STK33: variants seen among roughly 807,000 people sequenced by gnomAD.
STK33 encodes serine/threonine-protein kinase 33.
A neutral mutation model predicts 58.0 loss-of-function variants in STK33; 52 were observed. That is an observed-to-expected ratio of 0.90 (90% confidence interval 0.72 to 1.13). The LOEUF (loss-of-function observed/expected upper bound fraction) is 1.13. Ranked by LOEUF, STK33 falls within the 50% of genes most tolerant of loss-of-function variation. The pLI is 0.00. For synonymous variants in STK33, 215 were observed against 200.1 expected (o/e 1.07, Z -0.63); for missense variants, 630 against 604.2 (o/e 1.04, Z -0.45).
chr11:8,414,564 A>G (rs940944579), intron 14 of STK33, among the ~76,000 whole-genome samples: 31 of 152,190 alleles, frequency 2.0e-4, no homozygotes, highest in African/African-American at 6.8e-4. Context: ...ACAGAAAACT[A>G]TAAGACAGGG....
rs376173450 is a variant in STK33, at chr11:8,392,503, G to A, written c.*7C>T. 2 of 1,613,934 alleles carry A rather than the reference G, an allele frequency of 1.2e-6. No individual in the cohort carries two copies. Among genetic ancestry groups the A allele is most frequent in the African/African-American group, 2.7e-5 (2 of 74,904 alleles). ...TGTTTTTGTACTGTCCAACACTGGAGGGAACCTTAGAGTTTCTTTTTGGTT... is the reference window on the plus strand; with the variant it reads ...TGTTTTTGTACTGTCCAACACTGGAAGGAACCTTAGAGTTTCTTTTTGGTT... On this transcript the variant is annotated 3_prime_UTR_variant, in exon 16 of 16. Transcript: ENST00000687296.
intron 1 of STK33, among the ~76,000 whole-genome samples, chr11:8,561,671 A>G (rs1957122060): frequency 6.6e-6 from 1 of 152,158 alleles, no homozygotes; most frequent in Non-Finnish European, 1.5e-5. Context: ...CATATGTTGG[A>G]TCTTCTCTGC....
intron 1 of STK33, among the ~76,000 whole-genome samples, chr11:8,535,878 T>C (rs1465256738): frequency 1.3e-5 from 2 of 152,166 alleles, no homozygotes; most frequent in African/African-American, 4.8e-5. Flanking sequence ...AAATGTGGTA[T>C]ATATATACTA....
the STK33 span, among the ~76,000 whole-genome samples, chr11:8,370,995 A>C: frequency 6.6e-6 from 1 of 152,150 alleles, no homozygotes; most frequent in Non-Finnish European, 1.5e-5. Flanking sequence ...CCCTGGACCG[A>C]AGCTGAGGAG....
At chr11:8,577,931 T>C (rs1958301813) in intron 1 of STK33, among the ~76,000 whole-genome samples, 1 of 152,106 alleles carries the variant, frequency 6.6e-6, no homozygotes. Flanking sequence ...AAAGGTCAAA[T>C]GCAACAGTGC....
intron 14 of STK33, among the ~76,000 whole-genome samples, chr11:8,425,958 T>G (rs761003813): frequency 2.0e-5 from 3 of 152,162 alleles, no homozygotes; most frequent in East Asian, 1.9e-4. Context: ...TTACAGCTCC[T>G]GAAGCCCCAG....
At chr11:8,459,355 G>A (rs1187164353) in intron 8 of STK33, among the ~76,000 whole-genome samples, 1 of 152,002 alleles carries the variant, frequency 6.6e-6, no homozygotes, top group Non-Finnish European at 1.5e-5. Flanking sequence ...GGCAGAGGGT[G>A]TCAGACCTGA....
chr11:8,525,859 T>C (rs1260344497), intron 1 of STK33, among the ~76,000 whole-genome samples: 3 of 152,078 alleles, frequency 2.0e-5, no homozygotes, highest in Non-Finnish European at 2.9e-5. Flanking sequence ...TTTCAAAAGA[T>C]AGGCAACATA....
intron 1 of STK33, among the ~76,000 whole-genome samples, chr11:8,565,498 T>C (rs560114451): frequency 7.9e-5 from 12 of 151,506 alleles, no homozygotes; most frequent in Admixed American, 3.3e-4. Context: ...CAAATATCAG[T>C]TCTGCCATTT....
intron 14 of STK33, among the ~76,000 whole-genome samples, chr11:8,415,785 A>G (rs1941032766): frequency 6.6e-6 from 1 of 152,160 alleles, no homozygotes; most frequent in Non-Finnish European, 1.5e-5. Context: ...CTCATATGCA[A>G]CCAATATGAT....
At chr11:8,556,967 TAAACCAGGCATGGTGTCTCATGC>T (rs1260807509) in intron 1 of STK33, among the ~76,000 whole-genome samples, 1 of 151,862 alleles carries the variant, frequency 6.6e-6, no homozygotes, top group Non-Finnish European at 1.5e-5. Flanking sequence ...AAAGAAACCT[TAAACCAGGCATGGTGTCTCATGC>T]CTGTAATCCC....
intron 11 of STK33, among the ~76,000 whole-genome samples, chr11:8,444,730 G>A (rs368882437): frequency 1.3e-5 from 2 of 152,074 alleles, no homozygotes; most frequent in East Asian, 1.9e-4. Context: ...TTATCAAAAT[G>A]ATTCAAGAAA....
At chr11:8,552,950 G>A (rs556561807) in intron 1 of STK33, among the ~76,000 whole-genome samples, 1 of 151,324 alleles carries the variant, frequency 6.6e-6, no homozygotes, top group African/African-American at 2.4e-5. Flanking sequence ...CAGGAGTTCA[G>A]GAGCTGCCTG....
the STK33 span, among the ~76,000 whole-genome samples, chr11:8,338,209 A>T: frequency 0.048 from 7,330 of 152,206 alleles, 237 homozygotes; most frequent in Middle Eastern, 0.1. Flanking sequence ...AGGCCAGCAT[A>T]CCGGCTTCTG....
At chr11:8,559,330 A>AT (rs577226650) in intron 1 of STK33, among the ~76,000 whole-genome samples, 43 of 152,266 alleles carry the variant, frequency 2.8e-4, no homozygotes, top group African/African-American at 9.6e-4. Flanking sequence ...AAACCTTAGC[A>AT]TTTTTTCCTG....
chr11:8,523,798 C>T lies in STK33; in HGVS notation c.-465-43184G>A, dbSNP rs1398966481. 5.3e-5 allele frequency among the ~76,000 whole-genome samples: 8 copies of T among 152,034 alleles called. No homozygotes were observed. In the East Asian group the frequency reaches 5.8e-4, roughly 11 times the overall value. Reference sequence around the variant, plus strand: ...GAAGTGAGGAGCCCCTCTGCCCGGCCGCCACCCTGTCTGGGAGGTGTACCC... The same window carrying T: ...GAAGTGAGGAGCCCCTCTGCCCGGCTGCCACCCTGTCTGGGAGGTGTACCC... On this transcript the variant is annotated intron_variant, in intron 1 of 15. Transcript: ENST00000687296.
chr11:8,387,929 C>T (rs1198813778), downstream of STK33, among the ~76,000 whole-genome samples: 1 of 152,140 alleles, frequency 6.6e-6, no homozygotes, highest in African/African-American at 2.4e-5. Context: ...ATTTTGCCTA[C>T]AGGGAGGTTT....
chr11:8,405,478 T>C (rs563205453), intron 15 of STK33, among the ~76,000 whole-genome samples: 1 of 152,204 alleles, frequency 6.6e-6, no homozygotes, highest in African/African-American at 2.4e-5. Flanking sequence ...CATGCAAGTC[T>C]TCTGTCATAT....
At chr11:8,536,038 G>T (rs893943659) in intron 1 of STK33, among the ~76,000 whole-genome samples, 2 of 152,130 alleles carry the variant, frequency 1.3e-5, no homozygotes, top group Non-Finnish European at 2.9e-5. Flanking sequence ...TACATGTGGG[G>T]GCTAAAAATT....
Sources: allele counts gnomAD v4.1 joint callset (sites outside exome capture counted in the v4.1 genomes callset), GRCh38; gene constraint gnomAD v4.1.1; transcripts MANE v1.5; gene names NCBI Gene and HGNC (gene_info 2026-07-23, HGNC 2026-07-21).